The following PPP1R14C variants were observed in gnomAD, a reference collection of about 807,000 sequenced individuals.
PPP1R14C encodes protein phosphatase 1 regulatory inhibitor subunit 14C.
In PPP1R14C, 16 loss-of-function variants were observed where a neutral mutation model predicts 20.4. The observed-to-expected ratio is 0.78, with a 90% CI of 0.53 to 1.19. The LOEUF is 1.19. Ranked by LOEUF, PPP1R14C falls within the 50% of genes most tolerant of loss-of-function variation. The probability of loss-of-function intolerance (pLI) is 0.00; values close to 1 mark genes in which losing one functional copy is unlikely to be tolerated. For synonymous variants in PPP1R14C, 91 were observed against 91.0 expected (o/e 1.00, Z 0.00); for missense variants, 211 against 220.1 (o/e 0.96, Z 0.26).
intron 3 of PPP1R14C, among the ~76,000 whole-genome samples, chr6:150,241,280 G>T (rs763521469): frequency 1.3e-5 from 2 of 152,212 alleles, no homozygotes; most frequent in African/African-American, 4.8e-5. Context: ...CCCAGAGAGG[G>T]CACGAGAGCT....
At chr6:150,173,933 C>G (rs1376559723) in intron 1 of PPP1R14C, among the ~76,000 whole-genome samples, 1 of 152,068 alleles carries the variant, frequency 6.6e-6, no homozygotes, top group Non-Finnish European at 1.5e-5. Flanking sequence ...CCTGCCCATC[C>G]TTCAAAGCCC....
chr6:150,237,240 G>A (rs915736152), intron 3 of PPP1R14C, among the ~76,000 whole-genome samples: 2 of 152,088 alleles, frequency 1.3e-5, no homozygotes, highest in East Asian at 1.9e-4. Flanking sequence ...GTGTTGCTCT[G>A]TTACCCAGGC....
chr6:150,194,102 A>T (rs901751808), intron 1 of PPP1R14C, among the ~76,000 whole-genome samples: 4 of 152,186 alleles, frequency 2.6e-5, no homozygotes, highest in African/African-American at 7.2e-5. Context: ...CCATGAAAGC[A>T]GTGCCTTCCG....
chr6:150,187,462 C>T (rs1039495848), intron 1 of PPP1R14C, among the ~76,000 whole-genome samples: 1 of 152,106 alleles, frequency 6.6e-6, no homozygotes, highest in Non-Finnish European at 1.5e-5. Flanking sequence ...CCACCCTCTA[C>T]CCTTAAGGCC....
rs1777881549 is a variant in PPP1R14C, at chr6:150,201,864, G to A, written c.307-12880G>A. Among the ~76,000 whole-genome samples, 1 of 152,158 alleles carries A rather than the reference G, an allele frequency of 6.6e-6. No homozygotes were observed. Among genetic ancestry groups the A allele is most frequent in the South Asian group, 2.1e-4 (1 of 4,828 alleles). On this transcript the variant is annotated intron_variant, in intron 1 of 3. Transcript: ENST00000361131. This position sits in a 1 kb window ranked among gnomAD's most constrained non-coding sequence, Gnocchi z 4.2. The stretch of plus-strand genomic sequence containing the variant: ...AGTTATGGTGATGGATTGGATGGTG[G>A]CGACAGGGAGAGGAGGGGTCAGGAG...
At chr6:150,224,418 G>A (rs762811120) in intron 3 of PPP1R14C, among the ~76,000 whole-genome samples, 24 of 152,056 alleles carry the variant, frequency 1.6e-4, no homozygotes, top group Non-Finnish European at 2.5e-4. Context: ...ATTTCATTGC[G>A]TCTGTAGATC....
chr6:150,202,788 C>T (rs1030359574), intron 1 of PPP1R14C, among the ~76,000 whole-genome samples: 1 of 152,220 alleles, frequency 6.6e-6, no homozygotes, highest in East Asian at 1.9e-4. Context: ...AGGCCTGGCC[C>T]TCACCTTCCT....
At chr6:150,221,719 C>T (rs1245194712) in intron 3 of PPP1R14C, among the ~76,000 whole-genome samples, 1 of 152,208 alleles carries the variant, frequency 6.6e-6, no homozygotes, top group Non-Finnish European at 1.5e-5. Flanking sequence ...CCCTTTCCTC[C>T]TCTATAAAAT....
At position 150,147,420 on chromosome 6, in the gene PPP1R14C, C is replaced by T. The variant is rs190944735; in HGVS notation, c.306+3922C>T. 3.3e-3 allele frequency among the ~76,000 whole-genome samples: 502 copies of T among 152,118 alleles called. 4 individuals are homozygous for T. The highest frequency in any genetic ancestry group is 3.0e-3 in the Non-Finnish European group (206 of 67,984). Reference sequence around the variant, plus strand: ...GTCTCGAACTCCTGATCTCATGATCCGACTGCCTCAGCCTCCCAAAGTGCT... The same window carrying T: ...GTCTCGAACTCCTGATCTCATGATCTGACTGCCTCAGCCTCCCAAAGTGCT... On this transcript the variant is annotated intron_variant, in intron 1 of 3. Coordinates refer to ENST00000361131, the MANE Select transcript of PPP1R14C (RefSeq NM_030949.3).
At chr6:150,204,996 C>CTT (rs10683235) in intron 1 of PPP1R14C, among the ~76,000 whole-genome samples, 73,279 of 143,100 alleles carry the variant, frequency 0.51, 21,180 homozygotes, top group South Asian at 0.64. Context: ...AACTCAGAGT[C>CTT]TTTTTTTTTT....
At chr6:150,144,531 G>T (rs1004529942) in intron 1 of PPP1R14C, among the ~76,000 whole-genome samples, 13 of 152,224 alleles carry the variant, frequency 8.5e-5, no homozygotes, top group Non-Finnish European at 1.0e-4. Flanking sequence ...TAAGAATGTG[G>T]CTTCTAAGCT....
chr6:150,230,910 G>A (rs1230839009), intron 3 of PPP1R14C, among the ~76,000 whole-genome samples: 3 of 152,202 alleles, frequency 2.0e-5, no homozygotes, highest in Non-Finnish European at 4.4e-5. Flanking sequence ...ATCAATGAGA[G>A]GAACAGATGA....
chr6:150,231,816 C>T (rs899485713), intron 3 of PPP1R14C, among the ~76,000 whole-genome samples: 4 of 152,104 alleles, frequency 2.6e-5, no homozygotes, highest in South Asian at 2.1e-4. Flanking sequence ...AGAAAGCTGT[C>T]GTTCATTCAT....
At chr6:150,196,262 T>A (rs1382691626) in intron 1 of PPP1R14C, 2 of 345,188 alleles carry the variant, frequency 5.8e-6, no homozygotes, top group African/African-American at 4.5e-5. Context: ...CTTGCCTTTA[T>A]AGCATCTGTG....
At chr6:150,200,040 C>G (rs1777857238) in intron 1 of PPP1R14C, among the ~76,000 whole-genome samples, 1 of 152,176 alleles carries the variant, frequency 6.6e-6, no homozygotes, top group Non-Finnish European at 1.5e-5. Context: ...TGGGGTGCTT[C>G]ACACTTTAAT....
intron 1 of PPP1R14C, among the ~76,000 whole-genome samples, chr6:150,160,256 C>CT (rs535189665): frequency 0.046 from 4,665 of 100,554 alleles, 450 homozygotes; most frequent in African/African-American, 0.061. Context: ...GTAGCTCATT[C>CT]TTTTTTTTTT....
chr6:150,161,576 C>T (rs1777368377), intron 1 of PPP1R14C, among the ~76,000 whole-genome samples: 1 of 152,260 alleles, frequency 6.6e-6, no homozygotes, highest in Non-Finnish European at 1.5e-5. Context: ...CAGAGACAAA[C>T]CTGTGGTTCC....
rs539510540 is a variant in PPP1R14C at position 150,233,946 on chromosome 6, A to G, written c.424-14800A>G. Among the ~76,000 whole-genome samples the G allele has an allele frequency of 3.3e-5, 5 of 152,294 alleles. No individual in the cohort carries two copies. In the South Asian group the frequency reaches 8.3e-4, roughly 25 times the overall value. On this transcript the variant is annotated intron_variant, in intron 3 of 3. Coordinates refer to ENST00000361131, the MANE Select transcript of PPP1R14C (RefSeq NM_030949.3). Reference sequence around the variant, plus strand: ...TCACTCACACTGGAACGTTGTAGCTATGGCAGTTCACGTAACACACACAGC... The same window carrying G: ...TCACTCACACTGGAACGTTGTAGCTGTGGCAGTTCACGTAACACACACAGC...
chr6:150,197,466 C>T (rs1174581689), intron 1 of PPP1R14C, among the ~76,000 whole-genome samples: 2 of 152,252 alleles, frequency 1.3e-5, no homozygotes, highest in East Asian at 3.8e-4. Context: ...TGAATATTCG[C>T]TGCCGGCCTG....
Sources: gnomAD v4.1 joint callset for allele counts (sites outside exome capture counted in the v4.1 genomes callset) on GRCh38, gnomAD v4.1.1 for gene constraint, Gnocchi (gnomAD v3.1) non-coding constraint, MANE v1.5 for transcripts, NCBI Gene and HGNC (gene_info 2026-07-23, HGNC 2026-07-21) for gene names.